The following PTPRJ variants were observed in gnomAD, a reference collection of about 807,000 sequenced individuals.
The protein encoded by PTPRJ is protein tyrosine phosphatase receptor type J.
Under a neutral mutation model 141.3 loss-of-function variants are expected in PTPRJ, and 129 were observed. That is an observed-to-expected ratio of 0.91 (90% CI 0.79 to 1.06). PTPRJ has a LOEUF of 1.06. Ranked by LOEUF, PTPRJ falls within the 50% of genes least tolerant of loss-of-function variation. The pLI, the probability that PTPRJ is intolerant of heterozygous loss-of-function variation, is 0.00. For missense variants in PTPRJ, 1,601 were observed against 1,679.7 expected (o/e 0.95, Z 0.82); for synonymous variants, 610 against 640.5 (o/e 0.95, Z 0.72).
intron 11 of PTPRJ, 77 bp downstream of exon 11, chr11:48,139,853 G>A (rs1011969160): frequency 8.5e-6 from 12 of 1,415,098 alleles, no homozygotes; most frequent in South Asian, 2.5e-5. Flanking sequence ...GGGTCTGCAC[G>A]TGTGGACTAG....
chr11:48,095,698 A>G (rs1008076965), intron 1 of PTPRJ, among the ~76,000 whole-genome samples: 29 of 150,794 alleles, frequency 1.9e-4, no homozygotes, highest in Admixed American at 1.9e-3. Flanking sequence ...CTCCTGCCTC[A>G]GCCTCCCTCG....
intron 1 of PTPRJ, among the ~76,000 whole-genome samples, chr11:48,095,089 C>G (rs1290823415): frequency 1.3e-5 from 2 of 152,168 alleles, no homozygotes; most frequent in Non-Finnish European, 2.9e-5. Context: ...TTAGAGAGAT[C>G]ACAGGACCGT....
intron 1 of PTPRJ, 112 bp downstream of exon 1, chr11:47,981,120 C>G (rs1853893295): frequency 9.8e-7 from 1 of 1,018,530 alleles, no homozygotes; most frequent in Non-Finnish European, 1.2e-6. Context: ...GGGCGGGGGT[C>G]CGGATCCCCG....
chr11:48,115,882 C>G (rs1014367022), intron 3 of PTPRJ, among the ~76,000 whole-genome samples: 1 of 152,048 alleles, frequency 6.6e-6, no homozygotes, highest in Admixed American at 6.6e-5. Flanking sequence ...CTATAAGATT[C>G]TTTTTATAAG....
At chr11:48,133,361 C>T (rs746648612) in intron 8 of PTPRJ, among the ~76,000 whole-genome samples, 1 of 152,108 alleles carries the variant, frequency 6.6e-6, no homozygotes, top group Non-Finnish European at 1.5e-5. Context: ...CTCTTAATAT[C>T]AGTATTTCTA....
intron 1 of PTPRJ, among the ~76,000 whole-genome samples, chr11:48,041,087 C>T (rs1854263295): frequency 6.6e-6 from 1 of 152,096 alleles, no homozygotes. Context: ...GTCCAGTCCA[C>T]CCTGAGTACA....
chr11:47,980,995 T>C lies in PTPRJ; in HGVS notation c.83T>C (p.Leu28Pro). 2.5e-5 allele frequency: 26 copies of C among 1,032,360 alleles called. No homozygotes were observed. Among genetic ancestry groups the C allele is most frequent in the Non-Finnish European group, 3.1e-5 (26 of 845,238 alleles). The allele number at this position is 1,032,360 out of a possible 1,614,324, so 63.9% of individuals were successfully genotyped here. The change falls in exon 1 of 25, where the codon CTG (leucine) becomes CCG (proline). Residue 28 changes from leucine to proline, a missense_variant. Coordinates refer to ENST00000418331, the MANE Select transcript of PTPRJ (RefSeq NM_002843.4). ...RWALPLLLLLLRLGQILCAGG... is the reference protein window; with the variant it reads ...RWALPLLLLLPRLGQILCAGG... ...GCGCTGCCGCTGCTGCTGCTGCTGC[T>C]GCGCCTGGGCCAGGTAAGCGCCGGG...
intron 1 of PTPRJ, among the ~76,000 whole-genome samples, chr11:48,055,868 T>G (rs955114173): frequency 1.3e-5 from 2 of 152,204 alleles, no homozygotes; most frequent in Non-Finnish European, 2.9e-5. Context: ...CGCGATGCAT[T>G]TCAACCCAAA....
intron 1 of PTPRJ, among the ~76,000 whole-genome samples, chr11:48,041,154 AACT>A (rs1321666923): frequency 1.3e-5 from 2 of 151,928 alleles, no homozygotes; most frequent in African/African-American, 4.8e-5. Flanking sequence ...TCTCCCTCGC[AACT>A]AGATCATTCA....
chr11:47,983,821 G>A (rs1853975646), intron 1 of PTPRJ, among the ~76,000 whole-genome samples: 1 of 151,956 alleles, frequency 6.6e-6, no homozygotes, highest in Non-Finnish European at 1.5e-5. Context: ...AAAAAAAGCT[G>A]GTGACTGATA....
At chr11:48,041,958 T>C (rs1854281140) in intron 1 of PTPRJ, among the ~76,000 whole-genome samples, 1 of 115,872 alleles carries the variant, frequency 8.6e-6, no homozygotes, top group African/African-American at 3.3e-5. Context: ...CCCTGGAAGG[T>C]TCCCAGTTGT....
intron 21 of PTPRJ, among the ~76,000 whole-genome samples, chr11:48,156,723 A>G (rs146657151): frequency 0.017 from 2,568 of 151,394 alleles, 32 homozygotes; most frequent in Non-Finnish European, 0.029. Flanking sequence ...TGTAGCTGGG[A>G]CTACAGGCGT....
chr11:48,095,729 C>T (rs559941432), intron 1 of PTPRJ, among the ~76,000 whole-genome samples: 14 of 152,154 alleles, frequency 9.2e-5, no homozygotes, highest in Non-Finnish European at 1.6e-4. Flanking sequence ...TGCAGGTGCA[C>T]GCCACCACAC....
intron 1 of PTPRJ, among the ~76,000 whole-genome samples, chr11:48,023,883 CT>C (rs1378486448): frequency 1.5e-4 from 23 of 151,918 alleles, no homozygotes; most frequent in African/African-American, 5.6e-4. Flanking sequence ...AGATCCACAA[CT>C]TTTTTGGTCA....
At chr11:48,059,495 AGGG>A (rs1854859628) in intron 1 of PTPRJ, among the ~76,000 whole-genome samples, 1 of 152,170 alleles carries the variant, frequency 6.6e-6, no homozygotes, top group Non-Finnish European at 1.5e-5. Context: ...TGGAGGCTAC[AGGG>A]GGATGCTGGT....
At chr11:48,155,299 A>G (rs1857574627) in intron 19 of PTPRJ, among the ~76,000 whole-genome samples, 1 of 152,186 alleles carries the variant, frequency 6.6e-6, no homozygotes, top group East Asian at 1.9e-4. Context: ...TCCTAGTGGA[A>G]GGGGCACTAG....
chr11:48,026,429 C>T (rs1853812250), intron 1 of PTPRJ, among the ~76,000 whole-genome samples: 1 of 152,022 alleles, frequency 6.6e-6, no homozygotes, highest in Non-Finnish European at 1.5e-5. Context: ...CAGTATCCTG[C>T]TGTCTTCCTG....
chr11:48,019,928 T>C (rs771665446), intron 1 of PTPRJ, among the ~76,000 whole-genome samples: 1 of 152,170 alleles, frequency 6.6e-6, no homozygotes, highest in Non-Finnish European at 1.5e-5. Flanking sequence ...AAGAGCGATA[T>C]TTTCGTTAAA....
At position 48,167,892 on chromosome 11, in the gene PTPRJ, A is replaced by T. The variant is rs1349427507; in HGVS notation, c.*530A>T. On this transcript the variant is annotated 3_prime_UTR_variant, in exon 25 of 25. Coordinates refer to ENST00000418331, the MANE Select transcript of PTPRJ (RefSeq NM_002843.4). ...CTATTTGAACATGTGCCTTTTCTGA[A>T]TTATGCTTCCACAGGCAAAACTCAG... is the stretch of plus-strand genomic sequence containing the variant. 1.3e-5 allele frequency: 2 copies of T among 152,308 alleles called. No individual in the cohort carries two copies. Among genetic ancestry groups the T allele is most frequent in the East Asian group, 3.8e-4 (2 of 5,198 alleles). The allele number at this position is 152,308 out of a possible 1,614,324, so 9.4% of individuals were successfully genotyped here. A position where few individuals can be genotyped will look rare whatever the true frequency, so the allele number is the denominator to read the frequency against.
Sources: gnomAD v4.1 joint callset for allele counts (sites outside exome capture counted in the v4.1 genomes callset) on GRCh38, gnomAD v4.1.1 for gene constraint, MANE v1.5 for transcripts, NCBI Gene and HGNC (gene_info 2026-07-23, HGNC 2026-07-21) for gene names.